Variants in FBXL7 observed in about 807,000 individuals in gnomAD.
FBXL7 encodes F-box and leucine rich repeat protein 7.
In FBXL7, 12 loss-of-function variants were observed where a neutral mutation model predicts 38.3. That is an observed-to-expected ratio of 0.31 (90% CI 0.20 to 0.51). FBXL7 has a LOEUF of 0.51. FBXL7 is among the 20% of genes least tolerant of loss of function. The pLI, the probability that FBXL7 is intolerant of heterozygous loss-of-function variation, is 0.98. For synonymous variants in FBXL7, 297 were observed against 300.9 expected, an observed-to-expected ratio of 0.99 and a Z score of 0.13; for missense variants, 567 against 676.4, an observed-to-expected ratio of 0.84 and a Z score of 1.79.
chr5:15,652,635 AC>A (rs1468886382), intron 2 of FBXL7, among the ~76,000 whole-genome samples: 2 of 152,160 alleles, frequency 1.3e-5, no homozygotes, highest in African/African-American at 2.4e-5. Context: ...TCAGCTTTTG[AC>A]ATATCTTCAA....
intron 2 of FBXL7, among the ~76,000 whole-genome samples, chr5:15,790,915 T>C (rs1012312135): frequency 2.6e-5 from 4 of 152,138 alleles, no homozygotes; most frequent in Non-Finnish European, 5.9e-5. Context: ...TTAAACAGGC[T>C]TGTAGTCAAG....
At chr5:15,675,469 G>C (rs1488069258) in intron 2 of FBXL7, among the ~76,000 whole-genome samples, 1 of 152,180 alleles carries the variant, frequency 6.6e-6, no homozygotes, top group African/African-American at 2.4e-5. Context: ...CTGTTGAATT[G>C]CTTCCATTCA....
intron 2 of FBXL7, among the ~76,000 whole-genome samples, chr5:15,867,083 C>A (rs142007439): frequency 6.6e-6 from 1 of 152,260 alleles, no homozygotes; most frequent in Non-Finnish European, 1.5e-5. Context: ...ATATTCAAAT[C>A]TCTTTAATTA....
chr5:15,657,974 T>C (rs1741935565), intron 2 of FBXL7, among the ~76,000 whole-genome samples: 1 of 152,224 alleles, frequency 6.6e-6, no homozygotes, highest in African/African-American at 2.4e-5. Context: ...ATCCACTTTA[T>C]GAGCCTCTGT....
In FBXL7 at chr5:15,616,708, G is replaced by A. The variant is rs867286649; in HGVS notation, c.127+636G>A. Among the ~76,000 whole-genome samples the A allele has an allele frequency of 4.6e-5, 7 of 152,188 alleles. No individual in the cohort carries two copies. In the South Asian group the frequency reaches 6.2e-4, roughly 14 times the overall value. The stretch of plus-strand genomic sequence containing the variant: ...TGAGTTACTACTTACTTGTTTGAGT[G>A]TGGAATTAATTGTTTCTATTGTAAT... On this transcript the variant is annotated intron_variant, in intron 2 of 3. Transcript: ENST00000504595.
At chr5:15,572,148 A>ATT (rs2126454177) in intron 1 of FBXL7, among the ~76,000 whole-genome samples, 1 of 152,286 alleles carries the variant, frequency 6.6e-6, no homozygotes, top group Non-Finnish European at 1.5e-5. Flanking sequence ...AAAAGCCATG[A>ATT]ACATTTACTA....
At chr5:15,578,834 C>T (rs868699226) in intron 1 of FBXL7, among the ~76,000 whole-genome samples, 46 of 152,288 alleles carry the variant, frequency 3.0e-4, no homozygotes, top group African/African-American at 9.9e-4. Context: ...TAAATTAACT[C>T]GAGATGGAAT....
intron 2 of FBXL7, among the ~76,000 whole-genome samples, chr5:15,905,523 TTG>T (rs1741334748): frequency 1.3e-5 from 2 of 151,872 alleles, no homozygotes; most frequent in African/African-American, 4.8e-5. Context: ...AAAAATGGTG[TTG>T]TTTTTTTTTT....
intron 2 of FBXL7, among the ~76,000 whole-genome samples, chr5:15,873,651 T>C (rs1317612571): frequency 6.6e-6 from 1 of 151,970 alleles, no homozygotes; most frequent in African/African-American, 2.4e-5. Context: ...TACACAAATA[T>C]ACTAGAAAAT....
chr5:15,625,656 A>T (rs1740790100), intron 2 of FBXL7, among the ~76,000 whole-genome samples: 1 of 152,218 alleles, frequency 6.6e-6, no homozygotes, highest in Non-Finnish European at 1.5e-5. Flanking sequence ...TCTGTCTCAA[A>T]AAAACCAACC....
At chr5:15,842,313 G>A (rs1015598992) in intron 2 of FBXL7, among the ~76,000 whole-genome samples, 4 of 152,180 alleles carry the variant, frequency 2.6e-5, no homozygotes, top group African/African-American at 9.7e-5. Flanking sequence ...ACTTGCATGG[G>A]ACCTATAGCC....
chr5:15,682,371 T>C (rs1045873026), intron 2 of FBXL7, among the ~76,000 whole-genome samples: 2 of 152,180 alleles, frequency 1.3e-5, no homozygotes, highest in African/African-American at 4.8e-5. Context: ...AAATGTGGCC[T>C]TAGGGTGTAT....
chr5:15,739,809 G>C (rs1182323315), intron 2 of FBXL7, among the ~76,000 whole-genome samples: 1 of 151,838 alleles, frequency 6.6e-6, no homozygotes. Context: ...TCATTTTTTG[G>C]CTTTAATGAG....
chr5:15,845,799 G>A (rs557943000), intron 2 of FBXL7, among the ~76,000 whole-genome samples: 3 of 152,046 alleles, frequency 2.0e-5, no homozygotes, highest in South Asian at 2.1e-4. Context: ...GTGAAACCCC[G>A]TCTCTAGTAA....
intron 1 of FBXL7, among the ~76,000 whole-genome samples, chr5:15,536,319 C>T (rs1023542353): frequency 6.6e-6 from 1 of 152,188 alleles, no homozygotes; most frequent in African/African-American, 2.4e-5. Context: ...ACACCATCCT[C>T]CAGACCCCAG....
At chr5:15,703,781 ATAAAAT>A (rs1384588854) in intron 2 of FBXL7, among the ~76,000 whole-genome samples, 1 of 152,240 alleles carries the variant, frequency 6.6e-6, no homozygotes, top group East Asian at 1.9e-4. Context: ...ACTTTTTAAA[ATAAAAT>A]TATAATGTCC....
At chr5:15,724,841 C>G (rs145066090) in intron 2 of FBXL7, among the ~76,000 whole-genome samples, 1 of 152,074 alleles carries the variant, frequency 6.6e-6, no homozygotes, top group Non-Finnish European at 1.5e-5. Context: ...GGTTAGAAAA[C>G]TTTGTTAGAG....
intron 2 of FBXL7, among the ~76,000 whole-genome samples, chr5:15,875,800 G>A (rs1338920338): frequency 6.6e-6 from 1 of 152,182 alleles, no homozygotes; most frequent in African/African-American, 2.4e-5. Flanking sequence ...TTACACTGAC[G>A]GTGGGAGTGT....
chr5:15,528,375 T>C (rs1460339920), intron 1 of FBXL7, among the ~76,000 whole-genome samples: 1 of 152,192 alleles, frequency 6.6e-6, no homozygotes, highest in East Asian at 1.9e-4. Flanking sequence ...CACATCTTGG[T>C]TCTCACATTC....
Sources: allele counts gnomAD v4.1 joint callset (sites outside exome capture counted in the v4.1 genomes callset), GRCh38; gene constraint gnomAD v4.1.1; transcripts MANE v1.5; gene names NCBI Gene and HGNC (gene_info 2026-07-23, HGNC 2026-07-21).